Variants in TRPM6 observed in about 807,000 individuals in gnomAD.
TRPM6 encodes transient receptor potential cation channel subfamily M member 6.
TRPM6 carries 111 observed loss-of-function variants against 247.6 expected under a neutral mutation model. That is an observed-to-expected ratio of 0.45 (90% CI 0.38 to 0.52). The LOEUF (loss-of-function observed/expected upper bound fraction) is 0.52, where lower values mean the gene tolerates loss of function less well. Ranked by LOEUF, TRPM6 falls within the 20% of genes least tolerant of loss-of-function variation. TRPM6 has a pLI of 0.00. For missense variants in TRPM6, 2,126 were observed against 2,421.5 expected, an observed-to-expected ratio of 0.88 and a Z score of 2.56; for synonymous variants, 892 against 853.8, an observed-to-expected ratio of 1.04 and a Z score of -0.78.
intron 9 of TRPM6, among the ~76,000 whole-genome samples, chr9:74,819,878 G>C (rs906669650): frequency 6.6e-6 from 1 of 152,194 alleles, no homozygotes; most frequent in Non-Finnish European, 1.5e-5. Flanking sequence ...AGCATGGAGA[G>C]TGCGGACAGC....
intron 38 of TRPM6, among the ~76,000 whole-genome samples, chr9:74,725,691 G>C (rs561199604): frequency 6.6e-6 from 1 of 152,150 alleles, no homozygotes; most frequent in Non-Finnish European, 1.5e-5. Context: ...CAGGTAAGAC[G>C]TGACTTGCTC....
At chr9:74,786,536 C>G (rs550280342) in intron 20 of TRPM6, among the ~76,000 whole-genome samples, 1 of 151,438 alleles carries the variant, frequency 6.6e-6, no homozygotes, top group Non-Finnish European at 1.5e-5. Flanking sequence ...GTCAGGAGAT[C>G]GAGATCATCC....
At chr9:74,830,449 C>G (rs980179545) in intron 6 of TRPM6, among the ~76,000 whole-genome samples, 5 of 152,074 alleles carry the variant, frequency 3.3e-5, no homozygotes, top group African/African-American at 1.2e-4. Context: ...GGCTGGAGTA[C>G]AGTAGTGCCC....
intron 12 of TRPM6, 77 bp from the exon 13 acceptor site, chr9:74,810,945 G>A: frequency 8.7e-7 from 1 of 1,154,990 alleles, no homozygotes; most frequent in Non-Finnish European, 1.3e-6. Context: ...ACTTCAGAAT[G>A]CATAAGTAAC....
chr9:74,740,860 TA>T (rs1219698052), intron 33 of TRPM6, among the ~76,000 whole-genome samples: 2 of 152,150 alleles, frequency 1.3e-5, no homozygotes, highest in Non-Finnish European at 2.9e-5. Context: ...CTTTATATCA[TA>T]AAAAAACTTA....
chr9:74,761,926 A>G, intron 26 of TRPM6, 73 bp downstream of exon 26: 4 of 1,563,050 alleles, frequency 2.6e-6, no homozygotes, highest in Non-Finnish European at 3.5e-6. Flanking sequence ...CACAGATTTA[A>G]AAAACAAAAC....
At chr9:74,754,051 A>G (rs1270579736) in intron 28 of TRPM6, among the ~76,000 whole-genome samples, 1 of 150,928 alleles carries the variant, frequency 6.6e-6, no homozygotes, top group African/African-American at 2.4e-5. Flanking sequence ...AAATTATACT[A>G]TTTATAAAAA....
chr9:74,853,625 A>C (rs1830433487), intron 3 of TRPM6, among the ~76,000 whole-genome samples: 1 of 152,176 alleles, frequency 6.6e-6, no homozygotes, highest in Non-Finnish European at 1.5e-5. Flanking sequence ...AGGGCGGTGC[A>C]AGATGTGCTT....
intron 36 of TRPM6, among the ~76,000 whole-genome samples, chr9:74,736,177 T>C (rs1229723833): frequency 2.6e-5 from 4 of 152,216 alleles, no homozygotes; most frequent in East Asian, 3.8e-4. Context: ...AACAACTCTA[T>C]GGCTTAAGTG....
At chr9:74,757,196 C>CAA (rs144813308) in intron 27 of TRPM6, among the ~76,000 whole-genome samples, 2 of 150,020 alleles carry the variant, frequency 1.3e-5, no homozygotes, top group South Asian at 2.1e-4. Context: ...AACTAACTAA[C>CAA]AAAAAAAAAC....
chr9:74,880,693 G>T (rs777484622), intron 1 of TRPM6, among the ~76,000 whole-genome samples: 1 of 152,086 alleles, frequency 6.6e-6, no homozygotes, highest in Non-Finnish European at 1.5e-5. Context: ...GTTTCAGCAA[G>T]TCCTGCACAT....
At chr9:74,854,875 T>A (rs1830475881) in intron 3 of TRPM6, among the ~76,000 whole-genome samples, 1 of 152,134 alleles carries the variant, frequency 6.6e-6, no homozygotes. Context: ...GAGACAGGGT[T>A]TTACCATGTT....
In TRPM6 at chr9:74,724,604, C is replaced by G; in HGVS notation, c.*9G>C. On this transcript the variant is annotated 3_prime_UTR_variant, in exon 39 of 39. Coordinates refer to ENST00000360774, the MANE Select transcript of TRPM6 (RefSeq NM_017662.5). ...GGGCAAGCACTGGGATCTTCTTGCT[C>G]CTCCCTTTTTATAGTTGCATATCAT... The G allele has an allele frequency of 6.2e-7, 1 of 1,614,130 alleles. No individual in the cohort carries two copies. The highest frequency in any genetic ancestry group is 2.2e-5 in the East Asian group (1 of 44,872).
chr9:74,781,476 C>A (rs1304509785), intron 23 of TRPM6, among the ~76,000 whole-genome samples: 5 of 133,756 alleles, frequency 3.7e-5, no homozygotes, highest in African/African-American at 1.4e-4. Context: ...GCAGAGGTTG[C>A]AGTGAGCTGG....
chr9:74,886,503 CTTTT>C (rs1260483579), intron 1 of TRPM6, among the ~76,000 whole-genome samples: 1 of 150,714 alleles, frequency 6.6e-6, no homozygotes, highest in Non-Finnish European at 1.5e-5. Context: ...TTCTCAGTGT[CTTTT>C]TTTCTCTTTT....
At chr9:74,805,877 A>G (rs1828509553) in intron 14 of TRPM6, among the ~76,000 whole-genome samples, 1 of 152,234 alleles carries the variant, frequency 6.6e-6, no homozygotes, top group Non-Finnish European at 1.5e-5. Context: ...AGCAGTAGTT[A>G]GACCAGTTCA....
chr9:74,882,865 T>C (rs562216930), intron 1 of TRPM6, among the ~76,000 whole-genome samples: 39 of 152,304 alleles, frequency 2.6e-4, no homozygotes, highest in Non-Finnish European at 4.1e-4. Context: ...TTTGTTTTAA[T>C]TGTGGTAAAA....
chr9:74,782,305 CAACAT>C, intron 23 of TRPM6, 52 bp downstream of exon 23: 1 of 1,311,420 alleles, frequency 7.6e-7, no homozygotes, highest in East Asian at 2.3e-5. Context: ...TGAATCTACT[CAACAT>C]ATCTGCCCAC....
chr9:74,827,580 C>T, intron 7 of TRPM6, 198 bp downstream of exon 7: 2 of 690,132 alleles, frequency 2.9e-6, no homozygotes, highest in Non-Finnish European at 2.7e-6. Flanking sequence ...TTAGTGGATC[C>T]TCGAAGTGTC....
Sources: allele counts gnomAD v4.1 joint callset (sites outside exome capture counted in the v4.1 genomes callset), GRCh38; gene constraint gnomAD v4.1.1; transcripts MANE v1.5; gene names NCBI Gene and HGNC (gene_info 2026-07-23, HGNC 2026-07-21).